The following LRP1B variants were observed in gnomAD, a reference collection of about 807,000 sequenced individuals.
The protein encoded by LRP1B is low-density lipoprotein receptor-related protein 1B.
Under a neutral mutation model 556.6 loss-of-function variants are expected in LRP1B, and 217 were observed. That is an observed-to-expected ratio of 0.39 (90% CI 0.35 to 0.44). The LOEUF (loss-of-function observed/expected upper bound fraction) is 0.44. LRP1B is among the 20% of genes least tolerant of loss of function. The pLI is 1.00. For missense variants in LRP1B, 5,053 were observed against 5,620.8 expected (o/e 0.90, Z 3.23); for synonymous variants, 2,047 against 1,865.8 (o/e 1.10, Z -2.50).
At chr2:141,793,065 C>G (rs75274575) in intron 2 of LRP1B, among the ~76,000 whole-genome samples, 1,621 of 151,966 alleles carry the variant, frequency 0.011, 35 homozygotes, top group African/African-American at 0.037. Context: ...CTGCTTGTTA[C>G]AGCAAGTTAT....
At chr2:141,562,197 G>A (rs1686178131) in intron 2 of LRP1B, among the ~76,000 whole-genome samples, 1 of 151,932 alleles carries the variant, frequency 6.6e-6, no homozygotes, top group Non-Finnish European at 1.5e-5. Context: ...AATCTAAGCT[G>A]ACCTAGAGAA....
chr2:140,328,022 T>G (rs951613798), intron 79 of LRP1B, among the ~76,000 whole-genome samples: 1 of 152,054 alleles, frequency 6.6e-6, no homozygotes, highest in African/African-American at 2.4e-5. Context: ...TCAACTAACT[T>G]TTCCTGTTAC....
intron 66 of LRP1B, among the ~76,000 whole-genome samples, chr2:140,424,009 A>G (rs1286308855): frequency 6.6e-6 from 1 of 152,150 alleles, no homozygotes; most frequent in Non-Finnish European, 1.5e-5. Flanking sequence ...CATGTTCCAA[A>G]ATGAATAACA....
At chr2:140,898,709 C>T (rs914172142) in intron 23 of LRP1B, 5 of 503,072 alleles carry the variant, frequency 9.9e-6, no homozygotes, top group Non-Finnish European at 1.6e-5. Context: ...ATGGCAGTCA[C>T]CTGAGAGAGC....
chr2:141,899,521 G>A (rs1443087974), intron 1 of LRP1B, among the ~76,000 whole-genome samples: 2 of 152,050 alleles, frequency 1.3e-5, no homozygotes, highest in East Asian at 3.9e-4. Context: ...GTGTGCCTCT[G>A]GGATTCAGGT....
chr2:141,517,029 A>AAAAAAAAAAAAAAAAAAAAAATAAAAC (rs772472942), intron 2 of LRP1B, among the ~76,000 whole-genome samples: 1 of 90,192 alleles, frequency 1.1e-5, no homozygotes, highest in Non-Finnish European at 2.1e-5. Context: ...AAAAAAAAAA[A>AAAAAAAAAAAAAAAAAAAAAATAAAAC]AAAGTAAATC....
chr2:140,843,052 AGTGGTTTTTTT>A, intron 29 of LRP1B, among the ~76,000 whole-genome samples: 1 of 101,736 alleles, frequency 9.8e-6, no homozygotes, highest in African/African-American at 3.8e-5. Flanking sequence ...TGTTCTCCAA[AGTGGTTTTTTT>A]TTTGTTTTTT....
intron 1 of LRP1B, among the ~76,000 whole-genome samples, chr2:142,079,509 A>AAT (rs1705635642): frequency 6.4e-5 from 8 of 124,134 alleles, no homozygotes; most frequent in African/African-American, 2.0e-4. Flanking sequence ...CTTTTTTTTT[A>AAT]TTTTTTTATT....
chr2:140,727,109 T>G (rs1234330299), intron 35 of LRP1B, among the ~76,000 whole-genome samples: 1 of 152,180 alleles, frequency 6.6e-6, no homozygotes, highest in Non-Finnish European at 1.5e-5. Context: ...AAATCATATT[T>G]AATACAGTAA....
chr2:141,217,613 T>A (rs1402471), intron 6 of LRP1B, among the ~76,000 whole-genome samples: 57,616 of 151,980 alleles, frequency 0.38, 11,434 homozygotes, highest in East Asian at 0.71. Flanking sequence ...AATTTAAATG[T>A]AATACCTCAA....
At chr2:140,931,799 A>G (rs1348251151) in intron 20 of LRP1B, among the ~76,000 whole-genome samples, 2 of 152,094 alleles carry the variant, frequency 1.3e-5, no homozygotes, top group African/African-American at 4.8e-5. Flanking sequence ...AGAATGATGA[A>G]CTCTTACATT....
At chr2:141,034,055 T>C (rs1698457010) in intron 11 of LRP1B, among the ~76,000 whole-genome samples, 1 of 152,146 alleles carries the variant, frequency 6.6e-6, no homozygotes, top group South Asian at 2.1e-4. Context: ...ATTATTAACT[T>C]TCTTTAAAGA....
intron 2 of LRP1B, among the ~76,000 whole-genome samples, chr2:141,750,919 G>A (rs1183895188): frequency 6.6e-6 from 1 of 151,918 alleles, no homozygotes; most frequent in East Asian, 1.9e-4. Flanking sequence ...CTTTTTGAAT[G>A]AATTTCATGA....
chr2:141,150,503 A>T (rs143732836), intron 7 of LRP1B, among the ~76,000 whole-genome samples: 6 of 152,162 alleles, frequency 3.9e-5, no homozygotes, highest in African/African-American at 1.4e-4. Flanking sequence ...TGCATGTCAG[A>T]ATTGTCTGGA....
intron 3 of LRP1B, among the ~76,000 whole-genome samples, chr2:141,340,800 G>T (rs1688029562): frequency 6.6e-6 from 1 of 152,158 alleles, no homozygotes; most frequent in East Asian, 1.9e-4. Context: ...AAGTTGCCAT[G>T]ACTTAAATAG....
intron 77 of LRP1B, among the ~76,000 whole-genome samples, chr2:140,344,543 A>G (rs961171676): frequency 1.3e-5 from 2 of 151,852 alleles, no homozygotes; most frequent in Admixed American, 1.3e-4. Context: ...GTTATGACAG[A>G]AGGAAAGGAA....
chr2:141,761,228 A>AT (rs963090408), intron 2 of LRP1B, among the ~76,000 whole-genome samples: 13 of 151,826 alleles, frequency 8.6e-5, no homozygotes, highest in Non-Finnish European at 1.6e-4. Flanking sequence ...AGTGAAAACT[A>AT]TTTTTTTTCC....
intron 7 of LRP1B, among the ~76,000 whole-genome samples, chr2:141,183,113 T>G (rs1681079100): frequency 6.6e-6 from 1 of 151,982 alleles, no homozygotes; most frequent in Non-Finnish European, 1.5e-5. Flanking sequence ...TGTATTTAAT[T>G]TGTCCAAACA....
Position 140,554,734 on chromosome 2 carries a change from C to T in LRP1B, c.7195-12763G>A, listed in dbSNP as rs1451770086. On this transcript the variant is annotated intron_variant, in intron 43 of 90. Transcript: ENST00000389484. The stretch of plus-strand genomic sequence containing the variant: ...TTGTAACCCAAGTGCTTAAAACATA[C>T]TTAACTTTCAATAATTATTTACTGA... Among the ~76,000 whole-genome samples the T allele has an allele frequency of 3.3e-5, 5 of 152,028 alleles. No individual in the cohort carries two copies. The East Asian group carries it at 9.7e-4, about 29-fold the overall frequency.
Sources: allele counts gnomAD v4.1 joint callset (sites outside exome capture counted in the v4.1 genomes callset), GRCh38; gene constraint gnomAD v4.1.1; transcripts MANE v1.5; gene names NCBI Gene and HGNC (gene_info 2026-07-23, HGNC 2026-07-21).